TNS4: variants seen among roughly 807,000 people sequenced by gnomAD.
TNS4 encodes the protein tensin 4.
A neutral mutation model predicts 70.4 loss-of-function variants in TNS4; 46 were observed. The observed-to-expected ratio is 0.65, with a 90% CI of 0.52 to 0.84. The LOEUF is 0.84. TNS4 is among the 40% of genes least tolerant of loss of function. The probability of loss-of-function intolerance (pLI) is 0.00; values close to 1 mark genes in which losing one functional copy is unlikely to be tolerated. For synonymous variants in TNS4, 390 were observed against 366.6 expected (o/e 1.06, Z -0.73); for missense variants, 863 against 907.0 (o/e 0.95, Z 0.62).
chr17:40,481,512 C>A, intron 8 of TNS4, among the ~76,000 whole-genome samples: 1 of 152,118 alleles, frequency 6.6e-6, no homozygotes, highest in Non-Finnish European at 1.5e-5. Context: ...TTACAGGCGC[C>A]CACCACCACG....
chr17:40,484,486 G>T lies in TNS4; in HGVS notation c.1499C>A (p.Pro500Gln). 6.2e-7 allele frequency: 1 copy of T among 1,610,162 alleles called. No individual in the cohort carries two copies. The part of the protein sequence containing the change: ...QEVPASAQSR[P>Q]GEDSNDLIRH... The stretch of plus-strand genomic sequence containing the variant: ...TGAGCACAGAGACAGACGCATACCT[G>T]GTCGACTCTGAGCAGACGCGGGAAC... Residue 500 changes from proline to glutamine, a missense_variant and splice_region_variant, in exon 6 of 13, where the codon CCA (proline) becomes CAA (glutamine). Physicochemically the swap from Pro to Gln is moderately conservative, Grantham distance 76. Coordinates refer to ENST00000254051, the MANE Select transcript of TNS4 (RefSeq NM_032865.6).
chr17:40,477,817 G>A, intron 12 of TNS4, 88 bp from the exon 13 acceptor site: 1 of 1,278,298 alleles, frequency 7.8e-7, no homozygotes, highest in Non-Finnish European at 1.1e-6. Context: ...CCCTCAGCCT[G>A]CATCTCATTC....
In TNS4 at chr17:40,496,319, A is replaced by G; in HGVS notation, c.107T>C (p.Leu36Pro). 1 of 1,613,666 alleles carries G rather than the reference A, an allele frequency of 6.2e-7. No individual in the cohort carries two copies. Among genetic ancestry groups the G allele is most frequent in the Non-Finnish European group, 8.5e-7 (1 of 1,179,866 alleles). ...RTLHPAPSPS[L>P]PPQCSYYTTE... ...GGTGTAGTAAGAACACTGGGGTGGC[A>G]GGCTGGGGCTGGGTGCTGGGTGCAG... Residue 36 changes from leucine to proline, a missense_variant, in exon 2 of 13, where the codon CTG becomes CCG. Transcript: ENST00000254051.
chr17:40,488,502 G>T (rs1452629424), intron 3 of TNS4, 44 bp downstream of exon 3: 2 of 1,460,518 alleles, frequency 1.4e-6, no homozygotes, highest in Non-Finnish European at 1.8e-6. Flanking sequence ...ATGCGTGCGT[G>T]TGCCTGTGTG....
At chr17:40,486,254 C>T (rs207476404) in intron 4 of TNS4, among the ~76,000 whole-genome samples, 2 of 152,120 alleles carry the variant, frequency 1.3e-5, no homozygotes, top group East Asian at 3.9e-4. Context: ...TGCATTGTCT[C>T]TATTACCCCA....
intron 6 of TNS4, among the ~76,000 whole-genome samples, chr17:40,483,378 T>C (rs2035950904): frequency 6.6e-6 from 1 of 151,962 alleles, no homozygotes; most frequent in African/African-American, 2.4e-5. Flanking sequence ...CCTGGGTAAT[T>C]TTTGTAGCGA....
intron 8 of TNS4, among the ~76,000 whole-genome samples, chr17:40,481,427 C>T (rs913740152): frequency 2.0e-5 from 3 of 152,138 alleles, no homozygotes; most frequent in Non-Finnish European, 4.4e-5. Context: ...TGCAGTGGTG[C>T]GATCTTAGCT....
chr17:40,481,490 G>A (rs964248951), intron 8 of TNS4, among the ~76,000 whole-genome samples: 2 of 152,128 alleles, frequency 1.3e-5, no homozygotes, highest in Non-Finnish European at 2.9e-5. Context: ...TCAGCCTCCT[G>A]AGTAGCTGGG....
At chr17:40,483,631 C>G (rs1177325214) in intron 6 of TNS4, among the ~76,000 whole-genome samples, 9 of 152,226 alleles carry the variant, frequency 5.9e-5, no homozygotes, top group Non-Finnish European at 1.0e-4. Flanking sequence ...GACCTTCTGA[C>G]TCCTTTCCAC....
intron 6 of TNS4, among the ~76,000 whole-genome samples, chr17:40,484,074 G>T (rs1173061579): frequency 6.6e-6 from 1 of 152,202 alleles, no homozygotes; most frequent in Non-Finnish European, 1.5e-5. Context: ...TCACACACAT[G>T]TGCGCTGAGC....
chr17:40,489,132 T>C (rs2143810097), intron 2 of TNS4, among the ~76,000 whole-genome samples, 163 bp from the exon 3 acceptor site: 1 of 152,102 alleles, frequency 6.6e-6, no homozygotes, highest in Admixed American at 6.5e-5. Flanking sequence ...AGGGCCCAGT[T>C]CCAGTCACCC....
Position 40,494,208 on chromosome 17 carries a change from A to T in TNS4, c.439+1779T>A, listed in dbSNP as rs546242662. ...AAAAACAGCTACCATTTAGAATGGC[A>T]TATGGTGTGCCAGGATTTGTGATAA... On this transcript the variant is annotated intron_variant, in intron 2 of 12. Transcript: ENST00000254051. Among the ~76,000 whole-genome samples, 3 of 152,378 alleles carry T rather than the reference A, an allele frequency of 2.0e-5. No homozygotes were observed. In the South Asian group the frequency reaches 6.2e-4, roughly 32 times the overall value.
Position 40,476,172 on chromosome 17 carries a change from T to G in TNS4, c.*1416A>C. ...GACCCTCCCTTCCACCCCGGTAGGG[T>G]GGTTTCCTTAGGAACTCAGGCCTGC... On this transcript the variant is annotated 3_prime_UTR_variant, in exon 13 of 13. Transcript: ENST00000254051. The G allele has an allele frequency of 7.2e-6, 1 of 139,296 alleles. No individual in the cohort carries two copies. Among genetic ancestry groups the G allele is most frequent in the African/African-American group, 2.7e-5 (1 of 37,106 alleles). The allele number at this position is 139,296 out of a possible 1,614,324, so 8.6% of individuals were successfully genotyped here. A position where few individuals can be genotyped will look rare whatever the true frequency, so the allele number is the denominator to read the frequency against.
intron 9 of TNS4, 96 bp downstream of exon 9, chr17:40,480,604 G>C: frequency 8.4e-7 from 1 of 1,195,346 alleles, no homozygotes. Flanking sequence ...GTGTGTGCCT[G>C]TGCGTGTGTG....
chr17:40,484,672 G>A (rs1278694140), intron 5 of TNS4, 63 bp from the exon 6 acceptor site: 26 of 1,597,798 alleles, frequency 1.6e-5, no homozygotes, highest in South Asian at 1.4e-4. Flanking sequence ...CCCCAGCCCC[G>A]TAGGGTCTTC....
intron 1 of TNS4, among the ~76,000 whole-genome samples, chr17:40,500,595 A>G (rs2036199995): frequency 6.6e-6 from 1 of 152,054 alleles, no homozygotes; most frequent in South Asian, 2.1e-4. Flanking sequence ...GACTCTGGGG[A>G]GTCCTGGTGC....
chr17:40,480,716 G>A lies in TNS4; in HGVS notation c.1725C>T (p.Cys575=), dbSNP rs1195460953. The change falls in exon 9 of 13, where the codon TGC becomes TGT. Residue 575 remains cysteine (C), a synonymous_variant. Transcript: ENST00000254051. ...ASDSTDSPAS[C]QKKSAGCHTL... ...ACCACTCACCCGCAGATTTCTTCTG[G>A]CAGGAGGCTGGGCTGTCTGTAGAGT... The A allele has an allele frequency of 1.3e-6, 2 of 1,567,442 alleles. No individual in the cohort carries two copies. The highest frequency in any genetic ancestry group is 1.7e-6 in the Non-Finnish European group (2 of 1,161,108).
chr17:40,484,851 C>T, intron 5 of TNS4, 70 bp downstream of exon 5: 3 of 1,566,668 alleles, frequency 1.9e-6, no homozygotes, highest in Non-Finnish European at 2.6e-6. Flanking sequence ...TTAACTGTAA[C>T]CCAGGGCCCT....
chr17:40,483,194 C>T (rs867427143), intron 6 of TNS4, among the ~76,000 whole-genome samples: 3 of 152,132 alleles, frequency 2.0e-5, no homozygotes, highest in East Asian at 1.9e-4. Flanking sequence ...TCTCCTGCTT[C>T]GGCCTAGGGA....
Sources: allele counts gnomAD v4.1 joint callset (sites outside exome capture counted in the v4.1 genomes callset), GRCh38; gene constraint gnomAD v4.1.1; transcripts MANE v1.5; gene names NCBI Gene and HGNC (gene_info 2026-07-23, HGNC 2026-07-21).